ACVR1: variants seen among roughly 807,000 people sequenced by gnomAD.
The protein encoded by ACVR1 is activin A receptor type 1, also known as activin receptor type-1.
In ACVR1, 38 loss-of-function variants were observed where a neutral mutation model predicts 57.1. The ratio of observed to expected loss-of-function variants is 0.67; its 90% CI spans 0.51 to 0.87. The LOEUF is 0.87. Among genes scored for constraint, ACVR1 ranks in the 40% least tolerant of loss-of-function variants. The pLI is 0.00. For synonymous variants in ACVR1, 212 were observed against 228.1 expected (o/e 0.93, Z 0.63); for missense variants, 463 against 638.2 (o/e 0.73, Z 2.96).
At chr2:157,779,610 C>A (rs773300612) in intron 4 of ACVR1, among the ~76,000 whole-genome samples, 1 of 152,072 alleles carries the variant, frequency 6.6e-6, no homozygotes, top group Non-Finnish European at 1.5e-5. Context: ...AATAACTAAA[C>A]CTATTAAAAA....
chr2:157,871,821 G>A (rs77278990), intron 1 of ACVR1, among the ~76,000 whole-genome samples: 1,970 of 152,310 alleles, frequency 0.013, 43 homozygotes, highest in African/African-American at 0.044. Context: ...AAAGGAAGCT[G>A]CCGAATATCT....
intron 9 of ACVR1, among the ~76,000 whole-genome samples, chr2:157,752,687 T>C (rs966638542): frequency 6.6e-6 from 1 of 152,178 alleles, no homozygotes; most frequent in Non-Finnish European, 1.5e-5. Context: ...TTTGTATCCC[T>C]TGAAACGAAG....
rs539730278 is a variant in ACVR1 at position 157,871,924 on chromosome 2, C to T, written c.-183+3872G>A. On this transcript the variant is annotated intron_variant, in intron 1 of 10. Transcript: ENST00000434821. ...TGCCAACCACACCAAACTGATGAGG[C>T]TCTTTCAAAAGGAGTCTTTCATTTG... Among the ~76,000 whole-genome samples the T allele has an allele frequency of 9.2e-5, 14 of 152,294 alleles. No individual in the cohort carries two copies. In the East Asian group the frequency reaches 2.3e-3, roughly 25 times the overall value.
At chr2:157,865,517 C>T (rs529291675) in intron 1 of ACVR1, among the ~76,000 whole-genome samples, 40 of 152,080 alleles carry the variant, frequency 2.6e-4, no homozygotes, top group African/African-American at 4.8e-4. Context: ...ATAGGCAGGG[C>T]GCGGTGGTTC....
In ACVR1 at chr2:157,799,482, T is replaced by TC; in HGVS notation, c.11dup (p.Val5SerfsTer16). ...TGATAAGCACAGGAAGAATCATCAC[T>TC]CCATCTACCATTGTACAACTGTAAA... On this transcript the variant is annotated frameshift_variant, in exon 3 of 11. Transcript: ENST00000434821. LOFTEE classifies it high-confidence loss of function. 1 of 1,611,158 alleles carries TC rather than the reference T, an allele frequency of 6.2e-7. No individual in the cohort carries two copies.
At chr2:157,819,762 A>G (rs1188280822) in intron 1 of ACVR1, among the ~76,000 whole-genome samples, 1 of 152,166 alleles carries the variant, frequency 6.6e-6, no homozygotes, top group East Asian at 1.9e-4. Context: ...CTAGATAACT[A>G]ATAAAAAACA....
At chr2:157,760,748 A>G in intron 9 of ACVR1, 132 bp downstream of exon 9, 2 of 855,024 alleles carry the variant, frequency 2.3e-6, no homozygotes, top group Non-Finnish European at 3.7e-6. Context: ...TAAATCAAAT[A>G]TGAATGCCTA....
In ACVR1 at chr2:157,857,867, G is replaced by A. The variant is rs113355725; in HGVS notation, c.-183+17929C>T. On this transcript the variant is annotated intron_variant, in intron 1 of 10. Transcript: ENST00000434821. Reference sequence around the variant, plus strand: ...TTTCAAAATAAAGGGATTTTATGGAGCCCCAGGTAACTCTGGCACTTTTTC... The same window carrying A: ...TTTCAAAATAAAGGGATTTTATGGAACCCCAGGTAACTCTGGCACTTTTTC... Among the ~76,000 whole-genome samples, 167 of 152,266 alleles carry A rather than the reference G, an allele frequency of 1.1e-3. 1 individual carries two copies. Among genetic ancestry groups the A allele is most frequent in the African/African-American group, 3.8e-3 (159 of 41,546 alleles).
chr2:157,741,846 G>C (rs1684785259), intron 9 of ACVR1, among the ~76,000 whole-genome samples: 1 of 152,108 alleles, frequency 6.6e-6, no homozygotes, highest in Admixed American at 6.5e-5. Context: ...TGCCGTGGAA[G>C]CACAGGTAAG....
chr2:157,867,192 G>C (rs1385909275), intron 1 of ACVR1, among the ~76,000 whole-genome samples: 1 of 152,090 alleles, frequency 6.6e-6, no homozygotes. Flanking sequence ...ACATATGTTT[G>C]CCCAACCCCT....
chr2:157,780,129 A>G (rs1296674582), intron 4 of ACVR1, among the ~76,000 whole-genome samples: 1 of 152,222 alleles, frequency 6.6e-6, no homozygotes, highest in Non-Finnish European at 1.5e-5. Context: ...CACCTTGCTT[A>G]CATTCCCCAA....
chr2:157,846,511 T>C (rs1232137553), intron 1 of ACVR1, among the ~76,000 whole-genome samples: 1 of 152,196 alleles, frequency 6.6e-6, no homozygotes, highest in Non-Finnish European at 1.5e-5. Flanking sequence ...TCTCCCTGTT[T>C]TAACACTTCC....
chr2:157,770,630 G>A lies in ACVR1; in HGVS notation c.644-116C>T, dbSNP rs1191840295. ...ACTCTTAATCCCTCCATTGCTTACT[G>A]GAGAAACTCAGCTTGGGAATATAAA... On this transcript the variant is annotated intron_variant, in intron 6 of 10. Transcript: ENST00000434821. The A allele has an allele frequency of 9.5e-6, 10 of 1,058,090 alleles. No homozygotes were observed. In the Admixed American group the frequency reaches 1.1e-4, roughly 12 times the overall value. The allele number at this position is 1,058,090 out of a possible 1,614,324, so 65.5% of individuals were successfully genotyped here. A position where few individuals can be genotyped will look rare whatever the true frequency, so the allele number is the denominator to read the frequency against.
At chr2:157,871,039 C>T (rs1358097618) in intron 1 of ACVR1, among the ~76,000 whole-genome samples, 1 of 152,218 alleles carries the variant, frequency 6.6e-6, no homozygotes, top group East Asian at 1.9e-4. Context: ...CTAGGCCAGG[C>T]ATTGTGTTAG....
rs1033483693 is a variant in ACVR1 at position 157,775,824 on chromosome 2, A to G, written c.544-1637T>C. Among the ~76,000 whole-genome samples, 14 of 152,334 alleles carry G rather than the reference A, an allele frequency of 9.2e-5. 1 individual carries two copies. The highest frequency in any genetic ancestry group is 7.8e-4 in the Admixed American group (12 of 15,298). ...TTCACAGACCTAAGGAAAGAAAAAT[A>G]AAAAATCAACCCAAGACTAACAAAC... On this transcript the variant is annotated intron_variant, in intron 5 of 10. Transcript: ENST00000434821.
intron 9 of ACVR1, among the ~76,000 whole-genome samples, chr2:157,747,128 T>C (rs562625797): frequency 2.4e-4 from 36 of 152,352 alleles, no homozygotes; most frequent in African/African-American, 6.0e-4. Flanking sequence ...AAGATATTCA[T>C]ATATTTAAAT....
intron 9 of ACVR1, among the ~76,000 whole-genome samples, chr2:157,759,644 G>A (rs1333731402): frequency 6.6e-6 from 1 of 151,938 alleles, no homozygotes; most frequent in Non-Finnish European, 1.5e-5. Flanking sequence ...AACAAAAAAA[G>A]AAAACTACAG....
At chr2:157,870,406 C>A (rs1009800237) in intron 1 of ACVR1, among the ~76,000 whole-genome samples, 3 of 152,124 alleles carry the variant, frequency 2.0e-5, no homozygotes, top group African/African-American at 7.2e-5. Context: ...AAGCACACAC[C>A]CATCAAGTAT....
At chr2:157,747,689 TA>T (rs1241641923) in intron 9 of ACVR1, among the ~76,000 whole-genome samples, 1 of 152,066 alleles carries the variant, frequency 6.6e-6, no homozygotes, top group Non-Finnish European at 1.5e-5. Flanking sequence ...CTAACAGTAG[TA>T]AAACAGGTTT....
Sources: gnomAD v4.1 joint callset for allele counts (sites outside exome capture counted in the v4.1 genomes callset) on GRCh38, gnomAD v4.1.1 for gene constraint, MANE v1.5 for transcripts, NCBI Gene and HGNC (gene_info 2026-07-23, HGNC 2026-07-21) for gene names.